Variants in OXSR1 observed in about 807,000 individuals in gnomAD.
The protein encoded by OXSR1 is serine/threonine-protein kinase OSR1.
Under a neutral mutation model 79.8 loss-of-function variants are expected in OXSR1, and 24 were observed. The ratio of observed to expected loss-of-function variants is 0.30; its 90% CI spans 0.22 to 0.42. The LOEUF (loss-of-function observed/expected upper bound fraction) is 0.42, where lower values mean the gene tolerates loss of function less well. Among genes scored for constraint, OXSR1 ranks in the 10% least tolerant of loss-of-function variants. The pLI is 1.00. For synonymous variants in OXSR1, 226 were observed against 209.2 expected (o/e 1.08, Z -0.69); for missense variants, 430 against 618.4 (o/e 0.70, Z 3.23).
intron 4 of OXSR1, among the ~76,000 whole-genome samples, chr3:38,201,543 T>A (rs2125821753): frequency 6.6e-6 from 1 of 152,218 alleles, no homozygotes; most frequent in African/African-American, 2.4e-5. Flanking sequence ...ACCCCCTCTC[T>A]ACTAAAAATA....
At chr3:38,212,388 T>C (rs1702405531) in intron 4 of OXSR1, among the ~76,000 whole-genome samples, 2 of 152,214 alleles carry the variant, frequency 1.3e-5, no homozygotes, top group African/African-American at 4.8e-5. Flanking sequence ...TTCTAGGATT[T>C]AGAGGTTTTG....
chr3:38,211,483 G>A (rs1162696901), intron 4 of OXSR1, among the ~76,000 whole-genome samples: 1 of 152,048 alleles, frequency 6.6e-6, no homozygotes, highest in East Asian at 1.9e-4. Flanking sequence ...TTGTTTTAAA[G>A]ATAGATCTTA....
chr3:38,230,619 G>A (rs1702785847), intron 10 of OXSR1, 189 bp downstream of exon 10: 1 of 518,082 alleles, frequency 1.9e-6, no homozygotes, highest in African/African-American at 2.0e-5. Flanking sequence ...GTATTACTCT[G>A]CTATCTTTTA....
rs78261650 is a variant in OXSR1, at chr3:38,200,875, G to A, written c.434+2012G>A. Among the ~76,000 whole-genome samples the A allele has an allele frequency of 2.8e-3, 424 of 152,216 alleles. 1 individual carries two copies. The highest frequency in any genetic ancestry group is 3.2e-3 in the Non-Finnish European group (215 of 68,022). On this transcript the variant is annotated intron_variant, in intron 4 of 17. Coordinates refer to ENST00000311806, the MANE Select transcript of OXSR1 (RefSeq NM_005109.3). Reference sequence around the variant, plus strand: ...TTTTCAGAAATGTAGTGATTTATGCGTCTATTAGCAGTACATAAGAATGGT... The same window carrying A: ...TTTTCAGAAATGTAGTGATTTATGCATCTATTAGCAGTACATAAGAATGGT...
At chr3:38,247,222 T>C (rs1375631445) in intron 13 of OXSR1, among the ~76,000 whole-genome samples, 2 of 152,138 alleles carry the variant, frequency 1.3e-5, no homozygotes, top group East Asian at 3.9e-4. Context: ...TCAGAGAGGA[T>C]TAGTTTAGCC....
intron 10 of OXSR1, among the ~76,000 whole-genome samples, chr3:38,232,382 A>G (rs1702828289): frequency 6.6e-6 from 1 of 152,070 alleles, no homozygotes; most frequent in African/African-American, 2.4e-5. Context: ...TGATCATACC[A>G]CTGTACTTCA....
At chr3:38,226,672 G>T (rs905810315) in intron 8 of OXSR1, among the ~76,000 whole-genome samples, 12 of 151,914 alleles carry the variant, frequency 7.9e-5, no homozygotes, top group African/African-American at 1.2e-4. Flanking sequence ...CGTAACTTCG[G>T]TCTATAATGA....
At chr3:38,193,846 T>C (rs1166392514) in intron 3 of OXSR1, among the ~76,000 whole-genome samples, 1 of 152,158 alleles carries the variant, frequency 6.6e-6, no homozygotes, top group African/African-American at 2.4e-5. Flanking sequence ...TTTTTATAAG[T>C]GCCTATATTT....
At chr3:38,203,335 G>T (rs555698331) in intron 4 of OXSR1, among the ~76,000 whole-genome samples, 9 of 151,962 alleles carry the variant, frequency 5.9e-5, no homozygotes, top group African/African-American at 2.2e-4. Flanking sequence ...ATATCAGCGC[G>T]CCCAGCCGTT....
At chr3:38,230,281 T>C in intron 9 of OXSR1, 84 bp from the exon 10 acceptor site, 1 of 832,570 alleles carries the variant, frequency 1.2e-6, no homozygotes, top group Non-Finnish European at 2.0e-6. Context: ...CTATATCACA[T>C]TTTGATTATG....
chr3:38,217,742 G>A (rs187334117), intron 5 of OXSR1, among the ~76,000 whole-genome samples: 2 of 152,154 alleles, frequency 1.3e-5, no homozygotes, highest in East Asian at 3.9e-4. Flanking sequence ...GGCCAGGCTG[G>A]TCCTGAACTG....
intron 1 of OXSR1, among the ~76,000 whole-genome samples, chr3:38,182,200 A>G (rs1023562832): frequency 2.6e-5 from 4 of 152,166 alleles, no homozygotes; most frequent in African/African-American, 9.7e-5. Context: ...CTCCCGTTCT[A>G]TCTCTGCAGC....
chr3:38,203,347 C>T (rs980451020), intron 4 of OXSR1, among the ~76,000 whole-genome samples: 35 of 152,230 alleles, frequency 2.3e-4, no homozygotes, highest in South Asian at 8.3e-4. Flanking sequence ...CCAGCCGTTC[C>T]GGGCCACTAC....
intron 4 of OXSR1, among the ~76,000 whole-genome samples, chr3:38,208,313 G>A (rs951398100): frequency 1.3e-5 from 2 of 152,010 alleles, no homozygotes; most frequent in Admixed American, 6.6e-5. Context: ...GATGCTTCTC[G>A]ACTTAGGATG....
intron 4 of OXSR1, among the ~76,000 whole-genome samples, chr3:38,199,618 G>A (rs1220977138): frequency 6.6e-6 from 1 of 152,158 alleles, no homozygotes; most frequent in East Asian, 1.9e-4. Flanking sequence ...CCCTGTTTAG[G>A]TTTTGTGTAT....
Position 38,252,766 on chromosome 3 carries a change from T to A in OXSR1, c.1510-51T>A, listed in dbSNP as rs746046737. The stretch of plus-strand genomic sequence containing the variant: ...TCCCATGTCTGTTTTATTTGCTACC[T>A]GCAAGTTTGTTTATAAATAATCACA... On this transcript the variant is annotated intron_variant, in intron 17 of 17. Transcript: ENST00000311806. 3 of 1,458,712 alleles carry A rather than the reference T, an allele frequency of 2.1e-6. No individual in the cohort carries two copies. In the Middle Eastern group the frequency reaches 5.2e-4, roughly 254 times the overall value. The allele number at this position is 1,458,712 out of a possible 1,614,324, so 90.4% of individuals were successfully genotyped here.
chr3:38,226,221 A>T (rs886320791), intron 8 of OXSR1, among the ~76,000 whole-genome samples: 23 of 152,092 alleles, frequency 1.5e-4, no homozygotes, highest in African/African-American at 5.3e-4. Flanking sequence ...AAATTAAGAA[A>T]CACACAGTGA....
At chr3:38,230,227 T>A in intron 9 of OXSR1, 138 bp from the exon 10 acceptor site, 1 of 658,286 alleles carries the variant, frequency 1.5e-6, no homozygotes, top group East Asian at 2.7e-5. Flanking sequence ...AGCTTCAGAG[T>A]GAAAGAATGA....
chr3:38,203,065 A>T (rs564750647), intron 4 of OXSR1, among the ~76,000 whole-genome samples: 1 of 152,308 alleles, frequency 6.6e-6, no homozygotes, highest in East Asian at 1.9e-4. Flanking sequence ...CTCCTTGTCC[A>T]CTTCCGTGTT....
Sources: gnomAD v4.1 joint callset for allele counts (sites outside exome capture counted in the v4.1 genomes callset) on GRCh38, gnomAD v4.1.1 for gene constraint, MANE v1.5 for transcripts, NCBI Gene and HGNC (gene_info 2026-07-23, HGNC 2026-07-21) for gene names.